The following ZCCHC8 variants were observed in gnomAD, a reference collection of about 807,000 sequenced individuals.
ZCCHC8 encodes the protein zinc finger CCHC domain-containing protein 8.
ZCCHC8 carries 27 observed loss-of-function variants against 70.6 expected under a neutral mutation model. That is an observed-to-expected ratio of 0.38 (90% CI 0.28 to 0.53). The LOEUF is 0.53. Ranked by LOEUF, ZCCHC8 falls within the 20% of genes least tolerant of loss-of-function variation. The pLI, the probability that ZCCHC8 is intolerant of heterozygous loss-of-function variation, is 0.81. For missense variants in ZCCHC8, 737 were observed against 876.9 expected, an observed-to-expected ratio of 0.84 and a Z score of 2.01; for synonymous variants, 293 against 317.4, an observed-to-expected ratio of 0.92 and a Z score of 0.82.
At chr12:122,477,210 A>G (rs1477727534) in intron 13 of ZCCHC8, among the ~76,000 whole-genome samples, 4 of 146,958 alleles carry the variant, frequency 2.7e-5, no homozygotes, top group Non-Finnish European at 4.5e-5. Flanking sequence ...GCTGGAGTGC[A>G]GTGGCGTGAT....
intron 4 of ZCCHC8, 129 bp from the exon 5 acceptor site, chr12:122,489,592 G>A: frequency 1.2e-6 from 1 of 837,122 alleles, no homozygotes; most frequent in Non-Finnish European, 1.9e-6. Context: ...AATGGAAGAT[G>A]TAAAAGGAGA....
intron 11 of ZCCHC8, among the ~76,000 whole-genome samples, chr12:122,479,537 T>C (rs987707915): frequency 1.3e-5 from 2 of 152,002 alleles, no homozygotes; most frequent in African/African-American, 4.8e-5. Flanking sequence ...GGAAAAAGAG[T>C]GATAATATAT....
intron 13 of ZCCHC8, among the ~76,000 whole-genome samples, chr12:122,477,433 C>T (rs1295103359): frequency 6.1e-5 from 9 of 148,220 alleles, no homozygotes; most frequent in Non-Finnish European, 1.0e-4. Flanking sequence ...GGATTACAGG[C>T]GTGAGCCACC....
intron 3 of ZCCHC8, among the ~76,000 whole-genome samples, 187 bp from the exon 4 acceptor site, chr12:122,490,754 T>C (rs1462590222): frequency 6.6e-6 from 1 of 152,202 alleles, no homozygotes; most frequent in African/African-American, 2.4e-5. Context: ...GCCAAGTTAA[T>C]GCAATAATTA....
In ZCCHC8 at chr12:122,483,587, A is replaced by G; in HGVS notation, c.502-24T>C. 6.6e-7 allele frequency: 1 copy of G among 1,512,624 alleles called. No individual in the cohort carries two copies. Among genetic ancestry groups the G allele is most frequent in the Non-Finnish European group, 9.0e-7 (1 of 1,111,236 alleles). 93.7% of individuals were successfully genotyped at this position (1,512,624 alleles called of 1,614,324 possible). Reference sequence around the variant, plus strand: ...ACCTGCAGAAAACAAGTCAAAAAATATTGCTATTTAAGCAGAAAAAAAGAC... The same window carrying G: ...ACCTGCAGAAAACAAGTCAAAAAATGTTGCTATTTAAGCAGAAAAAAAGAC... On this transcript the variant is annotated intron_variant, in intron 5 of 13. Coordinates refer to ENST00000633063, the MANE Select transcript of ZCCHC8 (RefSeq NM_017612.5). This position sits in a 1 kb window ranked among gnomAD's most constrained non-coding sequence, Gnocchi z 4.4.
At chr12:122,498,012 A>C (rs1191787946) in intron 2 of ZCCHC8, among the ~76,000 whole-genome samples, 1 of 67,188 alleles carries the variant, frequency 1.5e-5, no homozygotes, top group African/African-American at 4.5e-5. Context: ...AAAACATAAA[A>C]TCAGATGCCT....
chr12:122,486,953 T>G (rs948242839), intron 5 of ZCCHC8, among the ~76,000 whole-genome samples: 2 of 152,200 alleles, frequency 1.3e-5, no homozygotes, highest in African/African-American at 4.8e-5. Context: ...TGTTTCCTCA[T>G]CTGTACAACT....
intron 13 of ZCCHC8, 139 bp from the exon 14 acceptor site, chr12:122,474,414 C>A: frequency 1.4e-6 from 1 of 721,776 alleles, no homozygotes; most frequent in Non-Finnish European, 2.0e-6. Flanking sequence ...ATTCTGGATT[C>A]TCAGGTGCCA....
At chr12:122,482,273 C>A in intron 8 of ZCCHC8, 186 bp from the exon 9 acceptor site, 2 of 530,046 alleles carry the variant, frequency 3.8e-6, no homozygotes, top group Non-Finnish European at 6.1e-6. Context: ...CTATTTATTA[C>A]CTATTATCAT....
chr12:122,499,510 TCCTCATGATCCTCCTGA>T (rs924084885), intron 1 of ZCCHC8: 8 of 152,810 alleles, frequency 5.2e-5, no homozygotes, highest in South Asian at 4.1e-4. Flanking sequence ...ATCCACCTGA[TCCTCATGATCCTCCTGA>T]CCTCATGATC....
intron 5 of ZCCHC8, among the ~76,000 whole-genome samples, chr12:122,488,872 A>G (rs1957692396): frequency 7.3e-6 from 1 of 137,354 alleles, no homozygotes; most frequent in Non-Finnish European, 1.7e-5. Flanking sequence ...CTCCGTTTCA[A>G]AAAAAAAAAA....
In ZCCHC8 at chr12:122,473,927, AGGTCTAGCT is replaced by A; in HGVS notation, c.1685_1693del (p.Glu562_Leu565delinsVal). ...AGATGTTTTTCCCTCCGGGACAGGG[AGGTCTAGCT>A]CATTTGGACAAGGTGATGAGGCAAC... On this transcript the variant is annotated inframe_deletion, in exon 14 of 14. Transcript: ENST00000633063. 5 of 1,613,494 alleles carry A rather than the reference AGGTCTAGCT, an allele frequency of 3.1e-6. No individual in the cohort carries two copies. Among genetic ancestry groups the A allele is most frequent in the Non-Finnish European group, 3.4e-6 (4 of 1,179,762 alleles).
chr12:122,492,886 T>C, intron 2 of ZCCHC8, 97 bp from the exon 3 acceptor site: 2 of 859,686 alleles, frequency 2.3e-6, no homozygotes, highest in East Asian at 2.7e-5. Context: ...TTTTTCCTTT[T>C]TTGACACAGG....
intron 5 of ZCCHC8, chr12:122,484,188 G>C (rs1957592284): frequency 6.6e-6 from 1 of 152,092 alleles, no homozygotes; most frequent in Non-Finnish European, 1.5e-5. Context: ...CACCTGCCAG[G>C]CTCAAACGAT....
rs1463492885 is a variant in ZCCHC8, at chr12:122,498,824, T to C, written c.242+3A>G. ...CTATGGAGTAATTTCAAAAATCTCA[T>C]ACCTCGGTCGAGTCAGAATGTTCAA... is the stretch of plus-strand genomic sequence containing the variant. On this transcript the variant is annotated splice_donor_region_variant and intron_variant, in intron 2 of 13. Transcript: ENST00000633063. The C allele has an allele frequency of 1.2e-6, 2 of 1,613,078 alleles. No individual in the cohort carries two copies. The highest frequency in any genetic ancestry group is 2.2e-5 in the South Asian group (2 of 91,058).
chr12:122,500,624 A>G lies in ZCCHC8; in HGVS notation c.199+18T>C, dbSNP rs376354359. The G allele has an allele frequency of 1.3e-4, 206 of 1,552,580 alleles. No homozygotes were observed. In the African/African-American group the frequency reaches 2.5e-3, roughly 19 times the overall value. On this transcript the variant is annotated intron_variant, in intron 1 of 13. Coordinates refer to ENST00000633063, the MANE Select transcript of ZCCHC8 (RefSeq NM_017612.5). This position sits in a 1 kb window ranked among gnomAD's most constrained non-coding sequence, Gnocchi z 4.8. ...GCCCCACACCCGGGTGACAGGGCCC[A>G]GCGAGAGGAAAGGATATTCTCGGCG...
At chr12:122,474,731 GCTCT>G (rs1957384467) in intron 13 of ZCCHC8, among the ~76,000 whole-genome samples, 1 of 144,596 alleles carries the variant, frequency 6.9e-6, no homozygotes, top group Admixed American at 6.8e-5. Flanking sequence ...TTATTTCCTA[GCTCT>G]TTTTTTTTTT....
Position 122,490,468 on chromosome 12 carries a change from C to T in ZCCHC8, c.417G>A (p.Leu139=), listed in dbSNP as rs1392220525. Residue 139 remains leucine (L), a synonymous_variant, in exon 4 of 14, where the codon TTG becomes TTA. Coordinates refer to ENST00000633063, the MANE Select transcript of ZCCHC8 (RefSeq NM_017612.5). ...NDVEKTSFNL[L]PQPSSIVLEE... is the part of the protein sequence containing the mutation. The stretch of plus-strand genomic sequence containing the variant: ...TCTCTTAAATTTGAAATACCTGGGG[C>T]AAAAGATTAAAGGAAGTCTTTTCCA... 1 of 1,610,732 alleles carries T rather than the reference C, an allele frequency of 6.2e-7. No individual in the cohort carries two copies. Among genetic ancestry groups the T allele is most frequent in the African/African-American group, 1.3e-5 (1 of 74,864 alleles).
At chr12:122,494,157 C>G (rs1957789880) in intron 2 of ZCCHC8, among the ~76,000 whole-genome samples, 1 of 152,182 alleles carries the variant, frequency 6.6e-6, no homozygotes, top group Non-Finnish European at 1.5e-5. Flanking sequence ...CCGGGGCCAG[C>G]TGAATGTCTG....
Sources: allele counts gnomAD v4.1 joint callset (sites outside exome capture counted in the v4.1 genomes callset), GRCh38; gene constraint gnomAD v4.1.1; non-coding constraint Gnocchi (gnomAD v3.1); transcripts MANE v1.5; gene names NCBI Gene and HGNC (gene_info 2026-07-23, HGNC 2026-07-21).